The following PDX1 variants were observed in gnomAD, a reference collection of about 807,000 sequenced individuals.
PDX1 encodes the protein pancreatic and duodenal homeobox 1, also known as pancreas/duodenum homeobox protein 1.
PDX1 carries 7 observed loss-of-function variants against 11.1 expected under a neutral mutation model. That is an observed-to-expected ratio of 0.63 (90% confidence interval 0.36 to 1.19). The LOEUF is 1.19. Among genes scored for constraint, PDX1 ranks in the 50% most tolerant of loss-of-function variants. The pLI is 0.02. For synonymous variants in PDX1, 232 were observed against 196.2 expected, an observed-to-expected ratio of 1.18 and a Z score of -1.53; for missense variants, 449 against 412.1, an observed-to-expected ratio of 1.09 and a Z score of -0.78.
In PDX1 at chr13:27,925,608, C is replaced by G. The variant is rs986239239; in HGVS notation, c.*907C>G. 2 of 183,268 alleles carry G rather than the reference C, an allele frequency of 1.1e-5. No individual in the cohort carries two copies. Among genetic ancestry groups the G allele is most frequent in the African/African-American group, 4.8e-5 (2 of 41,356 alleles). 11.4% of individuals were successfully genotyped at this position (183,268 alleles called of 1,614,324 possible). A position where few individuals can be genotyped will look rare whatever the true frequency, so the allele number is the denominator to read the frequency against. On this transcript the variant is annotated 3_prime_UTR_variant, in exon 2 of 2. Transcript: ENST00000381033. Reference sequence around the variant, plus strand: ...TCCTCCTCCTCTTTCTTCCTGACCTCTTTCTTTCTCCTCCTCCTCCTTCTA... The same window carrying G: ...TCCTCCTCCTCTTTCTTCCTGACCTGTTTCTTTCTCCTCCTCCTCCTTCTA...
Position 27,924,505 on chromosome 13 carries a change from G to A in PDX1, c.656G>A (p.Gly219Glu). ...GGCGGGACAGCTGTCGGGGGTGGCG[G>A]GGTCGCGGAGCCTGAGCAGGACTGC... ...RGGGTAVGGG[G>E]VAEPEQDCAV... Residue 219 changes from glycine to glutamate, a missense_variant, in exon 2 of 2, where the codon GGG becomes GAG. Gly to Glu is a moderately conservative substitution (Grantham distance 98). Around this residue, in one of 3 missense-constraint regions of PDX1, gnomAD observed 139 missense variants for 121.4 expected, o/e 1.14. Coordinates refer to ENST00000381033, the MANE Select transcript of PDX1 (RefSeq NM_000209.4). This position sits in a 1 kb window ranked among gnomAD's most constrained non-coding sequence, Gnocchi z 4.8. 1 of 1,611,100 alleles carries A rather than the reference G, an allele frequency of 6.2e-7. No individual in the cohort carries two copies. The highest frequency in any genetic ancestry group is 8.5e-7 in the Non-Finnish European group (1 of 1,179,332).
chr13:27,921,933 GTTCTTA>G (rs1957790506), intron 1 of PDX1, among the ~76,000 whole-genome samples: 1 of 152,186 alleles, frequency 6.6e-6, no homozygotes, highest in Non-Finnish European at 1.5e-5. Flanking sequence ...GAAATGCGGG[GTTCTTA>G]GGAGGCGGGA....
At position 27,924,199 on chromosome 13, in the gene PDX1, TG is replaced by T; in HGVS notation, c.407-54del. ...CCCCCCTTGAAGGGGTTGGGCTGCG[TG>T]GGTGGGGGCTGTGCGGGGCTCCGGG... is the stretch of plus-strand genomic sequence containing the variant. On this transcript the variant is annotated intron_variant, in intron 1 of 1. Transcript: ENST00000381033. This position sits in a 1 kb window ranked among gnomAD's most constrained non-coding sequence, Gnocchi z 4.8. 1 of 1,435,720 alleles carries T rather than the reference TG, an allele frequency of 7.0e-7. No homozygotes were observed. The highest frequency in any genetic ancestry group is 9.3e-7 in the Non-Finnish European group (1 of 1,072,998). The allele number at this position is 1,435,720 out of a possible 1,614,324, so 88.9% of individuals were successfully genotyped here.
Position 27,920,071 on chromosome 13 carries a change from C to T in PDX1, c.-68C>T, listed in dbSNP as rs1380497927. The T allele has an allele frequency of 2.3e-5, 36 of 1,539,546 alleles. No individual in the cohort carries two copies. Among genetic ancestry groups the T allele is most frequent in the Non-Finnish European group, 2.8e-5 (32 of 1,139,018 alleles). On this transcript the variant is annotated 5_prime_UTR_variant, in exon 1 of 2. Transcript: ENST00000381033. Reference sequence around the variant, plus strand: ...TGGGAACGCCACACAGTGCCAAATCCCCGGCTCCAGCTCCCGACTCCCGGC... The same window carrying T: ...TGGGAACGCCACACAGTGCCAAATCTCCGGCTCCAGCTCCCGACTCCCGGC...
chr13:27,920,532 G>T lies in PDX1; in HGVS notation c.394G>T (p.Gly132Cys). Residue 132 changes from glycine to cysteine, a missense_variant, in exon 1 of 2, where the codon GGC becomes TGC. This residue lies in a region of PDX1 where 263 missense variants were observed against 212.5 expected (regional missense o/e 1.24). Transcript: ENST00000381033. Reference sequence around the variant, plus strand: ...GTCTACCAAAGCTCACGCGTGGAAAGGCCAGTGGGCAGGTAAGCCTGGCTC... The same window carrying T: ...GTCTACCAAAGCTCACGCGTGGAAATGCCAGTGGGCAGGTAAGCCTGGCTC... ...MKSTKAHAWK[G>C]QWAGGAYAAE... 6.2e-7 allele frequency: 1 copy of T among 1,613,070 alleles called. No individual in the cohort carries two copies. Among genetic ancestry groups the T allele is most frequent in the Non-Finnish European group, 8.5e-7 (1 of 1,180,014 alleles).
In PDX1 at chr13:27,924,950, C is replaced by T; in HGVS notation, c.*249C>T. On this transcript the variant is annotated 3_prime_UTR_variant, in exon 2 of 2. Transcript: ENST00000381033. The surrounding 1 kb of genome is among the most constrained non-coding windows in gnomAD (Gnocchi z 4.8). ...TTGGTTTTTGTAGTATTGGGGCCCT[C>T]TTTTAGTGATACTGGATTGGCGTTG... 2.4e-6 allele frequency: 1 copy of T among 421,362 alleles called. No homozygotes were observed. Among genetic ancestry groups the T allele is most frequent in the Non-Finnish European group, 4.1e-6 (1 of 242,642 alleles). The allele number at this position is 421,362 out of a possible 1,614,324, so 26.1% of individuals were successfully genotyped here. A position where few individuals can be genotyped will look rare whatever the true frequency, so the allele number is the denominator to read the frequency against.
At chr13:27,921,454 G>T (rs1001682883) in intron 1 of PDX1, among the ~76,000 whole-genome samples, 25 of 152,256 alleles carry the variant, frequency 1.6e-4, no homozygotes, top group African/African-American at 5.8e-4. Flanking sequence ...CGAGCGGCAA[G>T]TTCCGGCGCG....
chr13:27,922,177 G>A (rs1431650743), intron 1 of PDX1, among the ~76,000 whole-genome samples: 1 of 152,234 alleles, frequency 6.6e-6, no homozygotes, highest in Non-Finnish European at 1.5e-5. Flanking sequence ...TGCTCTGGAG[G>A]ACTTGGGCTT....
rs1362293358 is a variant in PDX1 at position 27,920,372 on chromosome 13, G to T, written c.234G>T (p.Ala78=). The change falls in exon 1 of 2, where the codon GCG becomes GCT. Residue 78 remains alanine (A), a synonymous_variant. Coordinates refer to ENST00000381033, the MANE Select transcript of PDX1 (RefSeq NM_000209.4). ...YEVPPLADDP[A]VAHLHHHLPA... ...TGCCCCCCCTCGCCGACGACCCCGC[G>T]GTGGCGCACCTTCACCACCACCTCC... is the stretch of plus-strand genomic sequence containing the variant. 3.2e-6 allele frequency: 5 copies of T among 1,546,752 alleles called. No homozygotes were observed. In the Admixed American group the frequency reaches 9.8e-5, roughly 30 times the overall value.
In PDX1 at chr13:27,924,443, C is replaced by T; in HGVS notation, c.594C>T (p.Arg198=). The change falls in exon 2 of 2, where the codon CGC becomes CGT. Residue 198 remains arginine, a synonymous_variant. Transcript: ENST00000381033. This position sits in a 1 kb window ranked among gnomAD's most constrained non-coding sequence, Gnocchi z 4.8. ...TCAAGATCTGGTTCCAAAACCGCCG[C>T]ATGAAGTGGAAAAAGGAGGAGGACA... is the stretch of plus-strand genomic sequence containing the variant. ...RHIKIWFQNR[R]MKWKKEEDKK... The T allele has an allele frequency of 6.2e-7, 1 of 1,613,318 alleles. No homozygotes were observed. The highest frequency in any genetic ancestry group is 8.5e-7 in the Non-Finnish European group (1 of 1,179,916).
chr13:27,920,088 ACTCCCGG>A lies in PDX1; in HGVS notation c.-29_-23del, dbSNP rs193922352. Reference sequence around the variant, plus strand: ...GCCAAATCCCCGGCTCCAGCTCCCGACTCCCGGCTCCCGGCTCCCGGCTCCCGGTGCC... The same window carrying A: ...GCCAAATCCCCGGCTCCAGCTCCCGACTCCCGGCTCCCGGCTCCCGGTGCC... On this transcript the variant is annotated 5_prime_UTR_variant, in exon 1 of 2. Transcript: ENST00000381033. 904 of 1,546,280 alleles carry A rather than the reference ACTCCCGG, an allele frequency of 5.8e-4. 3 individuals carry two copies. Among genetic ancestry groups the A allele is most frequent in the African/African-American group, 7.8e-4 (57 of 72,846 alleles).
intron 1 of PDX1, among the ~76,000 whole-genome samples, chr13:27,922,289 GC>G (rs1328321503): frequency 6.6e-6 from 1 of 152,166 alleles, no homozygotes; most frequent in Non-Finnish European, 1.5e-5. Flanking sequence ...GCTGGAGTTG[GC>G]CCCAGGCCTT....
At position 27,925,247 on chromosome 13, in the gene PDX1, T is replaced by C. The variant is rs576516071; in HGVS notation, c.*546T>C. The C allele has an allele frequency of 1.4e-5, 3 of 209,608 alleles. No individual in the cohort carries two copies. The Admixed American group carries it at 1.6e-4, about 11-fold the overall frequency. 13.0% of individuals were successfully genotyped at this position (209,608 alleles called of 1,614,324 possible). Reference sequence around the variant, plus strand: ...GATGCCAGTGGAATACAGTGAGTCCTCCTCTTCCTCCTCCTCCTCTTCCCC... The same window carrying C: ...GATGCCAGTGGAATACAGTGAGTCCCCCTCTTCCTCCTCCTCCTCTTCCCC... On this transcript the variant is annotated 3_prime_UTR_variant, in exon 2 of 2. Coordinates refer to ENST00000381033, the MANE Select transcript of PDX1 (RefSeq NM_000209.4).
Position 27,924,003 on chromosome 13 carries a change from G to C in PDX1, c.407-253G>C, listed in dbSNP as rs1363495703. Among the ~76,000 whole-genome samples the C allele has an allele frequency of 6.6e-6, 1 of 152,242 alleles. No individual in the cohort carries two copies. Among genetic ancestry groups the C allele is most frequent in the Non-Finnish European group, 1.5e-5 (1 of 68,046 alleles). On this transcript the variant is annotated intron_variant, in intron 1 of 1. Transcript: ENST00000381033. The surrounding 1 kb of genome is among the most constrained non-coding windows in gnomAD (Gnocchi z 4.8). The stretch of plus-strand genomic sequence containing the variant: ...CCACTCATTGGCAGAGCCAAGCTTA[G>C]GCTCACGGCGAGAGCTGACTCGAGT...
At position 27,924,606 on chromosome 13, in the gene PDX1, C is replaced by A; in HGVS notation, c.757C>A (p.Pro253Thr). ...PPGGAVPPAA[P>T]VAAREGRLPP... Reference sequence around the variant, plus strand: ...CGGAGGTGCTGTGCCGCCCGCTGCCCCCGTTGCCGCCCGAGAGGGCCGCCT... The same window carrying A: ...CGGAGGTGCTGTGCCGCCCGCTGCCACCGTTGCCGCCCGAGAGGGCCGCCT... Residue 253 changes from proline to threonine, a missense_variant, in exon 2 of 2, where the codon CCC (proline) becomes ACC (threonine). Around this residue, in one of 3 missense-constraint regions of PDX1, gnomAD observed 139 missense variants for 121.4 expected, o/e 1.14. Coordinates refer to ENST00000381033, the MANE Select transcript of PDX1 (RefSeq NM_000209.4). This position sits in a 1 kb window ranked among gnomAD's most constrained non-coding sequence, Gnocchi z 4.8. 6.8e-7 allele frequency: 1 copy of A among 1,465,792 alleles called. No homozygotes were observed. 90.8% of individuals were successfully genotyped at this position (1,465,792 alleles called of 1,614,324 possible).
chr13:27,924,263 C>T lies in PDX1; in HGVS notation c.414C>T (p.Ala138=), dbSNP rs1957807971. 6.2e-7 allele frequency: 1 copy of T among 1,601,138 alleles called. No individual in the cohort carries two copies. The highest frequency in any genetic ancestry group is 1.3e-5 in the African/African-American group (1 of 74,590). Residue 138 remains alanine, a synonymous_variant, in exon 2 of 2, where the codon GCC becomes GCT. Transcript: ENST00000381033. This position sits in a 1 kb window ranked among gnomAD's most constrained non-coding sequence, Gnocchi z 4.8. ...HAWKGQWAGG[A]YAAEPEENKR... is the part of the protein sequence containing the mutation. ...GCCCTGTGTCGCCCGCAGGCGGCGC[C>T]TACGCTGCGGAGCCGGAGGAGAACA...
At chr13:27,920,935 G>A (rs939970617) in intron 1 of PDX1, among the ~76,000 whole-genome samples, 118 of 152,328 alleles carry the variant, frequency 7.7e-4, no homozygotes, top group African/African-American at 2.8e-3. Context: ...AGGAAGCCGA[G>A]TAGGGACATG....
In PDX1 at chr13:27,923,471, G is replaced by A. The variant is rs190004192; in HGVS notation, c.407-785G>A. Among the ~76,000 whole-genome samples the A allele has an allele frequency of 1.4e-4, 22 of 152,320 alleles. No homozygotes were observed. In the East Asian group the frequency reaches 4.1e-3, roughly 28 times the overall value. On this transcript the variant is annotated intron_variant, in intron 1 of 1. Transcript: ENST00000381033. ...CCCCAGAACAATATTCCTTCACTTCGCGGGCAGAAGTCCGGCTGAAGTTAA... is the reference window on the plus strand; with the variant it reads ...CCCCAGAACAATATTCCTTCACTTCACGGGCAGAAGTCCGGCTGAAGTTAA...
intron 1 of PDX1, among the ~76,000 whole-genome samples, chr13:27,922,074 G>A (rs1957791376): frequency 6.6e-6 from 1 of 152,152 alleles, no homozygotes; most frequent in African/African-American, 2.4e-5. Flanking sequence ...TCCCACCCTG[G>A]GCCTTCCTCA....
Sources: gnomAD v4.1 joint callset for allele counts (sites outside exome capture counted in the v4.1 genomes callset) on GRCh38, gnomAD v4.1.1 for gene constraint, gnomAD v4.1.1 regional missense constraint, Gnocchi (gnomAD v3.1) non-coding constraint, MANE v1.5 for transcripts, NCBI Gene and HGNC (gene_info 2026-07-23, HGNC 2026-07-21) for gene names.